Variants in UST observed in about 807,000 individuals in gnomAD.
UST encodes chondroitin sulfate 2-O-sulfotransferase.
Under a neutral mutation model 45.6 loss-of-function variants are expected in UST, and 21 were observed. The observed-to-expected ratio is 0.46, with a 90% CI of 0.33 to 0.66. UST has a LOEUF of 0.66. Among genes scored for constraint, UST ranks in the 30% least tolerant of loss-of-function variants. The probability of loss-of-function intolerance (pLI) is 0.02; values close to 1 mark genes in which losing one functional copy is unlikely to be tolerated. For synonymous variants in UST, 215 were observed against 200.6 expected (o/e 1.07, Z -0.61); for missense variants, 463 against 512.4 (o/e 0.90, Z 0.93).
intron 2 of UST, among the ~76,000 whole-genome samples, chr6:148,935,930 A>G (rs1024956051): frequency 6.6e-6 from 1 of 152,190 alleles, no homozygotes; most frequent in African/African-American, 2.4e-5. Flanking sequence ...GGCTGATGAT[A>G]CTGGTTGTGA....
intron 2 of UST, among the ~76,000 whole-genome samples, chr6:148,905,190 G>A (rs1779332269): frequency 6.6e-6 from 1 of 152,230 alleles, no homozygotes; most frequent in East Asian, 1.9e-4. Flanking sequence ...GATGGGTACA[G>A]ATGGAGTGGC....
At chr6:149,031,320 C>T (rs1230530243) in intron 7 of UST, among the ~76,000 whole-genome samples, 2 of 152,020 alleles carry the variant, frequency 1.3e-5, no homozygotes, top group Admixed American at 6.6e-5. Flanking sequence ...AACTTCTAAA[C>T]ACTTGTGATT....
intron 1 of UST, among the ~76,000 whole-genome samples, chr6:148,795,885 T>A (rs1776940148): frequency 6.6e-6 from 1 of 152,266 alleles, no homozygotes; most frequent in Non-Finnish European, 1.5e-5. Flanking sequence ...TTTGTTTTAT[T>A]TCCAGAGACA....
chr6:148,886,664 A>C (rs1163538804), intron 1 of UST, among the ~76,000 whole-genome samples: 1 of 152,226 alleles, frequency 6.6e-6, no homozygotes. Flanking sequence ...CTGAAGTACA[A>C]TAACATTTGA....
intron 7 of UST, among the ~76,000 whole-genome samples, chr6:149,063,271 C>T (rs1282976527): frequency 2.6e-5 from 4 of 152,092 alleles, no homozygotes; most frequent in Non-Finnish European, 5.9e-5. Flanking sequence ...ACTTTGTTTT[C>T]CCTCTTCTGA....
chr6:148,910,219 C>T (rs1462847193), intron 2 of UST, among the ~76,000 whole-genome samples: 7 of 150,058 alleles, frequency 4.7e-5, no homozygotes, highest in African/African-American at 1.7e-4. Flanking sequence ...TGGCTCACCA[C>T]AACCTCCGCC....
intron 7 of UST, among the ~76,000 whole-genome samples, chr6:149,023,991 A>T (rs1023025862): frequency 6.6e-6 from 1 of 152,176 alleles, no homozygotes; most frequent in African/African-American, 2.4e-5. Flanking sequence ...ATTAAAGATT[A>T]TTTTTCCCTC....
At chr6:148,925,614 C>T (rs1779799239) in intron 2 of UST, among the ~76,000 whole-genome samples, 2 of 152,162 alleles carry the variant, frequency 1.3e-5, no homozygotes, top group African/African-American at 2.4e-5. Context: ...AATATTACTC[C>T]TCTTGAATCT....
chr6:148,989,229 A>G (rs1781302870), intron 5 of UST, among the ~76,000 whole-genome samples: 1 of 102,674 alleles, frequency 9.7e-6, no homozygotes, highest in East Asian at 3.7e-4. Flanking sequence ...ACCCCCCGCA[A>G]ATGAAAACCT....
chr6:149,043,399 C>T (rs536584496), intron 7 of UST, among the ~76,000 whole-genome samples: 51 of 152,310 alleles, frequency 3.3e-4, no homozygotes, highest in South Asian at 6.2e-4. Flanking sequence ...GTGTGAACCA[C>T]GACACCTGGC....
rs866082436 is a variant in UST, at chr6:148,774,798, C to T, written c.247+27121C>T. Reference sequence around the variant, plus strand: ...CTTCGGGAGGCCAAGGTGGGCGGATCACCTGAGGTCAGGAGTTCGAAACCA... The same window carrying T: ...CTTCGGGAGGCCAAGGTGGGCGGATTACCTGAGGTCAGGAGTTCGAAACCA... On this transcript the variant is annotated intron_variant, in intron 1 of 7. Coordinates refer to ENST00000367463, the MANE Select transcript of UST (RefSeq NM_005715.3). Among the ~76,000 whole-genome samples the T allele has an allele frequency of 9.2e-5, 14 of 152,168 alleles. No homozygotes were observed. In the South Asian group the frequency reaches 1.7e-3, roughly 18 times the overall value.
intron 1 of UST, among the ~76,000 whole-genome samples, chr6:148,849,707 T>G (rs905271730): frequency 2.0e-5 from 3 of 152,112 alleles, no homozygotes; most frequent in Non-Finnish European, 2.9e-5. Flanking sequence ...TCAGATCTTG[T>G]GAGAACTCAC....
chr6:148,786,179 C>G (rs1776731160), intron 1 of UST, among the ~76,000 whole-genome samples: 1 of 151,588 alleles, frequency 6.6e-6, no homozygotes, highest in Non-Finnish European at 1.5e-5. Context: ...TTTAGACTAA[C>G]TTTACTTTAG....
chr6:148,975,136 C>T (rs1204590589), intron 5 of UST, among the ~76,000 whole-genome samples: 1 of 152,226 alleles, frequency 6.6e-6, no homozygotes, highest in South Asian at 2.1e-4. Flanking sequence ...TAAACCAAGG[C>T]AATAAAATTA....
chr6:148,792,645 A>G lies in UST; in HGVS notation c.247+44968A>G, dbSNP rs762687195. 5.3e-5 allele frequency among the ~76,000 whole-genome samples: 8 copies of G among 152,304 alleles called. No homozygotes were observed. In the South Asian group the frequency reaches 1.0e-3, roughly 20 times the overall value. ...GTGTCTCATGTAGCTGGGCCTTTCAATTTATGGGAAATGTTATAGTTTAAC... is the reference window on the plus strand; with the variant it reads ...GTGTCTCATGTAGCTGGGCCTTTCAGTTTATGGGAAATGTTATAGTTTAAC... On this transcript the variant is annotated intron_variant, in intron 1 of 7. Transcript: ENST00000367463.
chr6:148,922,412 G>A (rs1779727419), intron 2 of UST, among the ~76,000 whole-genome samples: 1 of 151,910 alleles, frequency 6.6e-6, no homozygotes. Context: ...TTCGAGGTCT[G>A]TCCATGTAGG....
intron 7 of UST, among the ~76,000 whole-genome samples, chr6:149,035,417 C>G (rs1053644514): frequency 6.6e-6 from 1 of 152,148 alleles, no homozygotes; most frequent in African/African-American, 2.4e-5. Context: ...AGGCTTTCCT[C>G]TGGTGACACT....
At chr6:148,905,507 C>T (rs2114870103) in intron 2 of UST, among the ~76,000 whole-genome samples, 1 of 152,340 alleles carries the variant, frequency 6.6e-6, no homozygotes, top group African/African-American at 2.4e-5. Context: ...TCTGCCTTTC[C>T]CTGGGGTGAG....
chr6:148,800,993 A>G (rs1304501519), intron 1 of UST, among the ~76,000 whole-genome samples: 1 of 152,200 alleles, frequency 6.6e-6, no homozygotes, highest in Non-Finnish European at 1.5e-5. Context: ...TCAAATTCAA[A>G]GAGCAACTTT....
Sources: gnomAD v4.1 joint callset for allele counts (sites outside exome capture counted in the v4.1 genomes callset) on GRCh38, gnomAD v4.1.1 for gene constraint, MANE v1.5 for transcripts, NCBI Gene and HGNC (gene_info 2026-07-23, HGNC 2026-07-21) for gene names.